The following MAGI2 variants were observed in gnomAD, a reference collection of about 807,000 sequenced individuals.
MAGI2 encodes membrane associated guanylate kinase, WW and PDZ domain containing 2.
MAGI2 carries 35 observed loss-of-function variants against 133.3 expected under a neutral mutation model. That is an observed-to-expected ratio of 0.26 (90% CI 0.20 to 0.35). The LOEUF is 0.35. Among genes scored for constraint, MAGI2 ranks in the 10% least tolerant of loss-of-function variants. The pLI, the probability that MAGI2 is intolerant of heterozygous loss-of-function variation, is 1.00. For synonymous variants in MAGI2, 729 were observed against 710.6 expected (o/e 1.03, Z -0.41); for missense variants, 1,636 against 1,863.4 (o/e 0.88, Z 2.25).
chr7:78,120,446 A>G (rs1820323976), intron 20 of MAGI2, among the ~76,000 whole-genome samples: 1 of 152,188 alleles, frequency 6.6e-6, no homozygotes, highest in Non-Finnish European at 1.5e-5. Context: ...CTAAAATTAT[A>G]TGGAAGGGCA....
chr7:78,168,139 C>A (rs763923626), intron 14 of MAGI2, 31 bp from the exon 15 acceptor site: 6 of 1,529,268 alleles, frequency 3.9e-6, no homozygotes, highest in Admixed American at 1.8e-5. Context: ...AAAGGACATT[C>A]ACATTTCAAT....
chr7:79,149,070 A>G (rs1272456035), intron 1 of MAGI2, among the ~76,000 whole-genome samples: 1 of 144,064 alleles, frequency 6.9e-6, no homozygotes, highest in Non-Finnish European at 1.5e-5. Context: ...ATAATATATT[A>G]TATATATGGA....
intron 1 of MAGI2, among the ~76,000 whole-genome samples, chr7:79,357,996 C>G (rs946605235): frequency 6.6e-6 from 1 of 151,846 alleles, no homozygotes; most frequent in Non-Finnish European, 1.5e-5. Flanking sequence ...TTGTTCAGGA[C>G]CTTGATTTGT....
chr7:79,189,874 G>A (rs985243134), intron 1 of MAGI2, among the ~76,000 whole-genome samples: 6 of 151,742 alleles, frequency 4.0e-5, no homozygotes, highest in African/African-American at 1.5e-4. Context: ...GAATCATAAA[G>A]TATGCAATCT....
intron 1 of MAGI2, among the ~76,000 whole-genome samples, chr7:79,433,636 C>A (rs186705109): frequency 1.3e-3 from 201 of 152,164 alleles, no homozygotes; most frequent in Non-Finnish European, 2.5e-3. Flanking sequence ...GTACATGTGA[C>A]TAGAACATAG....
In MAGI2 at chr7:79,280,031, TA is replaced by T. The variant is rs1835510649; in HGVS notation, c.301+172988del. On this transcript the variant is annotated intron_variant, in intron 1 of 21. Coordinates refer to ENST00000354212, the MANE Select transcript of MAGI2 (RefSeq NM_012301.4). ...AGGTCTTTTTTATTTATTTATTTTT[TA>T]TTTTTTTAGCATCACCTAAAATAAT... Among the ~76,000 whole-genome samples, 4 of 152,316 alleles carry T rather than the reference TA, an allele frequency of 2.6e-5. No homozygotes were observed. In the South Asian group the frequency reaches 8.3e-4, roughly 32 times the overall value.
chr7:79,380,940 G>A (rs1843732408), intron 1 of MAGI2, among the ~76,000 whole-genome samples: 1 of 151,670 alleles, frequency 6.6e-6, no homozygotes, highest in African/African-American at 2.4e-5. Context: ...TGTAATTTTT[G>A]TATATACTTG....
At chr7:78,924,201 G>A (rs1230988955) in intron 2 of MAGI2, among the ~76,000 whole-genome samples, 1 of 152,044 alleles carries the variant, frequency 6.6e-6, no homozygotes, top group East Asian at 1.9e-4. Context: ...TCTCCTGCCT[G>A]ATTGCCCTGG....
chr7:78,577,848 T>C (rs1802429328), intron 3 of MAGI2, among the ~76,000 whole-genome samples: 1 of 152,098 alleles, frequency 6.6e-6, no homozygotes, highest in South Asian at 2.1e-4. Context: ...TCACAGGGGA[T>C]ATGATGGCTT....
chr7:78,255,638 T>C (rs1792888802), intron 10 of MAGI2: 4 of 558,924 alleles, frequency 7.2e-6, no homozygotes, highest in Non-Finnish European at 1.2e-5. Context: ...GATACATGAA[T>C]GAATTTTTGA....
chr7:78,138,391 C>T (rs1822383924), intron 16 of MAGI2, among the ~76,000 whole-genome samples: 4 of 152,154 alleles, frequency 2.6e-5, no homozygotes, highest in Admixed American at 2.6e-4. Context: ...GACAGCTCTT[C>T]AGATCCTATT....
intron 1 of MAGI2, among the ~76,000 whole-genome samples, chr7:79,136,003 G>GAGAGAGAGAGAAAGAA (rs1821412653): frequency 2.4e-5 from 1 of 40,890 alleles, no homozygotes; most frequent in African/African-American, 8.9e-5. Flanking sequence ...AAGAAAGAAA[G>GAGAGAGAGAGAAAGAA]AGAAAGAAAG....
intron 6 of MAGI2, among the ~76,000 whole-genome samples, chr7:78,465,538 T>C (rs559928704): frequency 6.6e-6 from 1 of 152,300 alleles, no homozygotes; most frequent in East Asian, 1.9e-4. Context: ...GATGTAATTA[T>C]GAAAAGATGT....
At chr7:78,916,214 G>GT (rs1169852450) in intron 2 of MAGI2, among the ~76,000 whole-genome samples, 3 of 151,792 alleles carry the variant, frequency 2.0e-5, no homozygotes, top group Non-Finnish European at 2.9e-5. Context: ...ATATCTTGGG[G>GT]TTTTTTTAAA....
chr7:78,189,819 A>C (rs1228404203), intron 12 of MAGI2, among the ~76,000 whole-genome samples: 1 of 152,220 alleles, frequency 6.6e-6, no homozygotes, highest in Non-Finnish European at 1.5e-5. Flanking sequence ...AAGCCCTTAG[A>C]GTAAGACTAG....
At chr7:78,379,383 A>G (rs1794721374) in intron 6 of MAGI2, among the ~76,000 whole-genome samples, 1 of 152,022 alleles carries the variant, frequency 6.6e-6, no homozygotes, top group African/African-American at 2.4e-5. Context: ...AGGCCTGACA[A>G]GAAAAATAAA....
At chr7:78,461,113 C>T (rs1789940657) in intron 6 of MAGI2, among the ~76,000 whole-genome samples, 1 of 152,086 alleles carries the variant, frequency 6.6e-6, no homozygotes, top group African/African-American at 2.4e-5. Flanking sequence ...TCTTTTCTCA[C>T]ATCTTTCTGC....
chr7:79,045,286 G>C (rs766084386), intron 1 of MAGI2, among the ~76,000 whole-genome samples: 5 of 152,126 alleles, frequency 3.3e-5, no homozygotes, highest in Non-Finnish European at 7.4e-5. Flanking sequence ...ATCTTAACTA[G>C]GTTTGTGGTT....
chr7:78,172,510 T>A (rs1826212128), intron 14 of MAGI2, among the ~76,000 whole-genome samples: 1 of 152,256 alleles, frequency 6.6e-6, no homozygotes, highest in Non-Finnish European at 1.5e-5. Flanking sequence ...CCATTTTTGT[T>A]CCTTTCTGGC....
Sources: allele counts gnomAD v4.1 joint callset (sites outside exome capture counted in the v4.1 genomes callset), GRCh38; gene constraint gnomAD v4.1.1; transcripts MANE v1.5; gene names NCBI Gene and HGNC (gene_info 2026-07-23, HGNC 2026-07-21).